VGLL4: variants seen among roughly 807,000 people sequenced by gnomAD.
VGLL4 encodes transcription cofactor vestigial-like protein 4.
Under a neutral mutation model 21.0 loss-of-function variants are expected in VGLL4, and 7 were observed. The ratio of observed to expected loss-of-function variants is 0.33; its 90% CI spans 0.19 to 0.63. VGLL4 has a LOEUF of 0.63. Among genes scored for constraint, VGLL4 ranks in the 20% least tolerant of loss-of-function variants. The pLI is 0.78. For synonymous variants in VGLL4, 222 were observed against 173.2 expected (o/e 1.28, Z -2.21); for missense variants, 394 against 425.7 (o/e 0.93, Z 0.66).
intron 2 of VGLL4, among the ~76,000 whole-genome samples, chr3:11,688,248 C>T (rs926032955): frequency 1.3e-5 from 2 of 152,086 alleles, no homozygotes; most frequent in Non-Finnish European, 2.9e-5. Flanking sequence ...ATACATACAA[C>T]TTTGTGTTTT....
At chr3:11,651,164 G>C (rs1048838344) in intron 2 of VGLL4, among the ~76,000 whole-genome samples, 2 of 151,960 alleles carry the variant, frequency 1.3e-5, no homozygotes, top group Non-Finnish European at 2.9e-5. Context: ...CTAACATATT[G>C]AAAACCCATC....
intron 2 of VGLL4, among the ~76,000 whole-genome samples, chr3:11,600,650 A>C (rs977164329): frequency 6.6e-6 from 1 of 152,168 alleles, no homozygotes; most frequent in Non-Finnish European, 1.5e-5. Flanking sequence ...TGAACACAAC[A>C]GTCCAAGCTG....
At chr3:11,645,198 AAAAC>A (rs1398455871), upstream of VGLL4, among the ~76,000 whole-genome samples, 2,554 of 142,042 alleles carry the variant, frequency 0.018, 78 homozygotes, top group African/African-American at 0.064. Context: ...AGAAAAAAAA[AAAAC>A]AAAAACTAAA....
upstream of VGLL4, among the ~76,000 whole-genome samples, chr3:11,647,367 C>T (rs995874199): frequency 3.9e-5 from 6 of 152,134 alleles, no homozygotes; most frequent in African/African-American, 1.4e-4. Context: ...CCCCTCTTGT[C>T]CTGTGAAATC....
chr3:11,631,449 A>G (rs2075475788), intron 1 of VGLL4, among the ~76,000 whole-genome samples: 1 of 152,188 alleles, frequency 6.6e-6, no homozygotes, highest in Non-Finnish European at 1.5e-5. Context: ...CCTTATCAGC[A>G]GATAAGGACA....
At chr3:11,618,239 GTA>G (rs1318878060) in intron 1 of VGLL4, among the ~76,000 whole-genome samples, 3 of 152,218 alleles carry the variant, frequency 2.0e-5, no homozygotes, top group African/African-American at 7.2e-5. Context: ...GTTTTTCACA[GTA>G]TATGGTATAT....
chr3:11,597,914 A>G (rs1362379377), intron 2 of VGLL4, among the ~76,000 whole-genome samples: 1 of 152,210 alleles, frequency 6.6e-6, no homozygotes, highest in Non-Finnish European at 1.5e-5. Context: ...AAGAGGCTGG[A>G]ATAAAATCCC....
chr3:11,595,410 C>T (rs534652967), intron 2 of VGLL4, among the ~76,000 whole-genome samples: 57 of 152,176 alleles, frequency 3.7e-4, no homozygotes, highest in African/African-American at 1.3e-3. Context: ...AGTTCAACCA[C>T]TGTGGAAGTC....
intron 2 of VGLL4, among the ~76,000 whole-genome samples, chr3:11,686,901 G>A (rs1406451671): frequency 6.6e-6 from 1 of 152,134 alleles, no homozygotes. Context: ...TTCTAATGAA[G>A]TAGAATAGGA....
At chr3:11,594,446 C>T (rs550171202) in intron 2 of VGLL4, among the ~76,000 whole-genome samples, 9 of 152,204 alleles carry the variant, frequency 5.9e-5, no homozygotes, top group Admixed American at 3.9e-4. Context: ...GTCCAACACA[C>T]GGCCAGTCTG....
intron 2 of VGLL4, among the ~76,000 whole-genome samples, chr3:11,666,551 A>C (rs2076130024): frequency 6.6e-6 from 1 of 152,234 alleles, no homozygotes; most frequent in African/African-American, 2.4e-5. Flanking sequence ...AAGTGATCAG[A>C]TGTGAGATAT....
At chr3:11,631,051 CCAAAGAA>C (rs2075465277) in intron 1 of VGLL4, among the ~76,000 whole-genome samples, 1 of 152,134 alleles carries the variant, frequency 6.6e-6, no homozygotes, top group Non-Finnish European at 1.5e-5. Context: ...GACGACAATG[CCAAAGAA>C]CAAACTACTC....
chr3:11,690,701 CAA>C (rs2076514921), intron 2 of VGLL4, among the ~76,000 whole-genome samples: 1 of 151,754 alleles, frequency 6.6e-6, no homozygotes, highest in Non-Finnish European at 1.5e-5. Flanking sequence ...CCTAGAAAAA[CAA>C]ATGGTACTTC....
upstream of VGLL4, among the ~76,000 whole-genome samples, chr3:11,647,467 C>G (rs2075810031): frequency 1.3e-5 from 2 of 152,082 alleles, no homozygotes; most frequent in South Asian, 4.1e-4. Context: ...ATACTTGGAC[C>G]AGAAGTGTTT....
intron 2 of VGLL4, among the ~76,000 whole-genome samples, chr3:11,691,173 G>T (rs1441684827): frequency 1.3e-5 from 2 of 150,548 alleles, no homozygotes; most frequent in East Asian, 1.9e-4. Context: ...TGTTGTTGTT[G>T]TTTTTTATCT....
chr3:11,694,686 TA>T (rs1221034968), intron 2 of VGLL4, among the ~76,000 whole-genome samples: 1 of 151,116 alleles, frequency 6.6e-6, no homozygotes, highest in Non-Finnish European at 1.5e-5. Context: ...CACTAAGAAA[TA>T]GTCAAATTAT....
chr3:11,581,629 G>T (rs1227587125), intron 2 of VGLL4, among the ~76,000 whole-genome samples: 1 of 152,172 alleles, frequency 6.6e-6, no homozygotes, highest in Admixed American at 6.5e-5. Flanking sequence ...AAATGTGAAA[G>T]ATCTCTCAAT....
At chr3:11,715,767 G>A (rs1010583593) in intron 1 of VGLL4, among the ~76,000 whole-genome samples, 1 of 152,178 alleles carries the variant, frequency 6.6e-6, no homozygotes, top group African/African-American at 2.4e-5. Flanking sequence ...TTTGCAAACT[G>A]ATCAATACAC....
Position 11,719,078 on chromosome 3 carries a change from T to C in VGLL4, c.-14+1316A>G, listed in dbSNP as rs1363874601. 6.6e-6 allele frequency among the ~76,000 whole-genome samples: 1 copy of C among 152,152 alleles called. No homozygotes were observed. The highest frequency in any genetic ancestry group is 1.5e-5 in the Non-Finnish European group (1 of 68,014). On this transcript the variant is annotated intron_variant, in intron 1 of 5. Coordinates refer to the VGLL4 transcript ENST00000273038. This position sits in a 1 kb window ranked among gnomAD's most constrained non-coding sequence, Gnocchi z 4.0. The stretch of plus-strand genomic sequence containing the variant: ...GCCTGCACTGGGTGCAGGGAGAGTG[T>C]GCAGTCCTGTTTTGGGGACCGGGCA...
Sources: gnomAD v4.1 joint callset for allele counts (sites outside exome capture counted in the v4.1 genomes callset) on GRCh38, gnomAD v4.1.1 for gene constraint, Gnocchi (gnomAD v3.1) non-coding constraint, MANE v1.5 for transcripts, NCBI Gene and HGNC (gene_info 2026-07-23, HGNC 2026-07-21) for gene names.